Variants in GSTCD observed in about 807,000 individuals in gnomAD.
GSTCD encodes glutathione S-transferase C-terminal domain-containing protein.
GSTCD carries 44 observed loss-of-function variants against 68.3 expected under a neutral mutation model. That is an observed-to-expected ratio of 0.64 (90% CI 0.51 to 0.83). GSTCD has a LOEUF of 0.83. Among genes scored for constraint, GSTCD ranks in the 40% least tolerant of loss-of-function variants. The probability of loss-of-function intolerance (pLI) is 0.00; values close to 1 mark genes in which losing one functional copy is unlikely to be tolerated. For synonymous variants in GSTCD, 273 were observed against 255.2 expected (o/e 1.07, Z -0.67); for missense variants, 739 against 735.9 (o/e 1.00, Z -0.05).
At chr4:105,782,641 A>G (rs1424234195) in intron 5 of GSTCD, among the ~76,000 whole-genome samples, 2 of 152,046 alleles carry the variant, frequency 1.3e-5, no homozygotes, top group Non-Finnish European at 2.9e-5. Context: ...GCTGGAGTAC[A>G]ATGCTGTGAT....
intron 4 of GSTCD, among the ~76,000 whole-genome samples, chr4:105,728,686 G>GATATCTAGATATAGATATAGATATAGAT (rs1733124891): frequency 2.5e-5 from 1 of 40,770 alleles, no homozygotes; most frequent in African/African-American, 4.1e-5. Flanking sequence ...TAGATATATA[G>GATATCTAGATATAGATATAGATATAGAT]ATATAGATAT....
At chr4:105,752,721 ATAT>A (rs1238318020) in intron 5 of GSTCD, among the ~76,000 whole-genome samples, 3 of 152,108 alleles carry the variant, frequency 2.0e-5, no homozygotes, top group Non-Finnish European at 4.4e-5. Flanking sequence ...TATTTTAGAA[ATAT>A]TATGAGTTTA....
At chr4:105,738,725 G>A (rs188016129) in intron 5 of GSTCD, among the ~76,000 whole-genome samples, 112 of 152,198 alleles carry the variant, frequency 7.4e-4, no homozygotes, top group Admixed American at 1.3e-3. Context: ...AGTTCTAAGA[G>A]TTTCTTGATA....
intron 5 of GSTCD, among the ~76,000 whole-genome samples, chr4:105,733,759 TTGA>T (rs1218949846): frequency 6.6e-6 from 1 of 152,240 alleles, no homozygotes; most frequent in African/African-American, 2.4e-5. Flanking sequence ...TGCTCGTTAG[TTGA>T]TGCAGTTTCT....
At chr4:105,756,034 A>C (rs1013460674) in intron 5 of GSTCD, among the ~76,000 whole-genome samples, 4 of 152,328 alleles carry the variant, frequency 2.6e-5, no homozygotes, top group African/African-American at 9.6e-5. Flanking sequence ...TCAGGGAAAC[A>C]CTTGAATTAC....
At chr4:105,722,177 TAC>T (rs899987561) in intron 3 of GSTCD, among the ~76,000 whole-genome samples, 3 of 150,972 alleles carry the variant, frequency 2.0e-5, no homozygotes, top group African/African-American at 2.4e-5. Flanking sequence ...AATACACACA[TAC>T]ACACACACAC....
At chr4:105,758,684 C>T (rs1259029205) in intron 5 of GSTCD, among the ~76,000 whole-genome samples, 2 of 152,124 alleles carry the variant, frequency 1.3e-5, no homozygotes, top group East Asian at 1.9e-4. Context: ...TGGCCTCATA[C>T]ACTCTGGAAG....
At chr4:105,833,217 C>A (rs1034513069) in intron 8 of GSTCD, among the ~76,000 whole-genome samples, 1 of 152,198 alleles carries the variant, frequency 6.6e-6, no homozygotes, top group African/African-American at 2.4e-5. Flanking sequence ...GTAATCCCAG[C>A]ACTTTGGGAG....
At chr4:105,750,065 T>G (rs1733953612) in intron 5 of GSTCD, among the ~76,000 whole-genome samples, 1 of 152,200 alleles carries the variant, frequency 6.6e-6, no homozygotes, top group South Asian at 2.1e-4. Flanking sequence ...GGCACATGCA[T>G]ATATGAAAAT....
Position 105,719,164 on chromosome 4 carries a change from A to G in GSTCD, c.531A>G (p.Leu177=), listed in dbSNP as rs775032312. 1.9e-6 allele frequency: 3 copies of G among 1,614,134 alleles called. No individual in the cohort carries two copies. The highest frequency in any genetic ancestry group is 1.1e-5 in the South Asian group (1 of 91,074). The change falls in exon 3 of 12, where the codon CTA becomes CTG. Residue 177 remains leucine (L), a synonymous_variant. Transcript: ENST00000515279. ...CCCCAACTATACCTGTAGAAATACT[A>G]CAGCTAGAGAAAAAGCTTAGTGAGC... ...DQPPTIPVEI[L]QLEKKLSEPV...
intron 5 of GSTCD, among the ~76,000 whole-genome samples, chr4:105,794,233 C>G (rs1200284499): frequency 6.6e-6 from 1 of 151,970 alleles, no homozygotes; most frequent in Non-Finnish European, 1.5e-5. Context: ...GTGAAAAGAT[C>G]AGTGGTTGCC....
chr4:105,753,780 T>G (rs1734087835), intron 5 of GSTCD, among the ~76,000 whole-genome samples: 1 of 152,084 alleles, frequency 6.6e-6, no homozygotes, highest in Non-Finnish European at 1.5e-5. Context: ...AGCCCTGAAG[T>G]TGATTTCTGT....
intron 11 of GSTCD, 133 bp downstream of exon 11, chr4:105,842,267 C>A: frequency 7.6e-6 from 5 of 654,172 alleles, no homozygotes; most frequent in South Asian, 2.1e-5. Flanking sequence ...TATGTTCTTC[C>A]CAAAAAAACT....
chr4:105,833,112 A>G (rs1410498447), intron 8 of GSTCD, among the ~76,000 whole-genome samples: 2 of 152,280 alleles, frequency 1.3e-5, no homozygotes, highest in African/African-American at 4.8e-5. Context: ...CCTCTTCCTG[A>G]TAGAGTATTG....
intron 5 of GSTCD, among the ~76,000 whole-genome samples, chr4:105,819,712 G>C (rs1271871705): frequency 6.6e-6 from 1 of 151,564 alleles, no homozygotes; most frequent in African/African-American, 2.4e-5. Flanking sequence ...CCTGTTCAAG[G>C]TTCTATTAGT....
At chr4:105,760,295 G>A (rs754324638) in intron 5 of GSTCD, among the ~76,000 whole-genome samples, 4 of 152,178 alleles carry the variant, frequency 2.6e-5, no homozygotes, top group South Asian at 4.2e-4. Flanking sequence ...TGCTTCAGCC[G>A]CAGGGTTTTT....
At chr4:105,786,337 C>T (rs895204525) in intron 5 of GSTCD, among the ~76,000 whole-genome samples, 3 of 149,254 alleles carry the variant, frequency 2.0e-5, no homozygotes, top group African/African-American at 7.3e-5. Flanking sequence ...ATGGAGAAAC[C>T]CTGTCTCTAC....
chr4:105,769,799 A>G (rs1421826074), intron 5 of GSTCD, among the ~76,000 whole-genome samples: 1 of 152,154 alleles, frequency 6.6e-6, no homozygotes, highest in Non-Finnish European at 1.5e-5. Context: ...TCTGTCACCC[A>G]GGCTGGAATG....
At chr4:105,790,601 A>G (rs972444102) in intron 5 of GSTCD, among the ~76,000 whole-genome samples, 5 of 152,034 alleles carry the variant, frequency 3.3e-5, no homozygotes, top group East Asian at 1.9e-4. Context: ...TGATTGCACT[A>G]TTGCACTCCA....
Sources: gnomAD v4.1 joint callset for allele counts (sites outside exome capture counted in the v4.1 genomes callset) on GRCh38, gnomAD v4.1.1 for gene constraint, MANE v1.5 for transcripts, NCBI Gene and HGNC (gene_info 2026-07-23, HGNC 2026-07-21) for gene names.